SLIT3: variants seen among roughly 807,000 people sequenced by gnomAD.
SLIT3 encodes the protein slit guidance ligand 3.
A neutral mutation model predicts 184.0 loss-of-function variants in SLIT3; 68 were observed. That is an observed-to-expected ratio of 0.37 (90% CI 0.30 to 0.45). SLIT3 has a LOEUF of 0.45. Among genes scored for constraint, SLIT3 ranks in the 20% least tolerant of loss-of-function variants. The pLI, the probability that SLIT3 is intolerant of heterozygous loss-of-function variation, is 1.00. For synonymous variants in SLIT3, 831 were observed against 828.6 expected, an observed-to-expected ratio of 1.00 and a Z score of -0.05; for missense variants, 1,707 against 2,026.0, an observed-to-expected ratio of 0.84 and a Z score of 3.02.
At position 168,884,547 on chromosome 5, in the gene SLIT3, G is replaced by GATATATATATATAT. The variant is rs1491371300; in HGVS notation, c.414-1212_414-1211insATATATATATATAT. On this transcript the variant is annotated intron_variant, in intron 4 of 35. Coordinates refer to ENST00000519560, the MANE Select transcript of SLIT3 (RefSeq NM_003062.4). ...AGATCTAACTACTGCTACCAATTAC[G>GATATATATATATAT]AGATATATATATATATATATATATA... 8.6e-4 allele frequency among the ~76,000 whole-genome samples: 8 copies of GATATATATATATAT among 9,312 alleles called. 1 individual carries two copies. The highest frequency in any genetic ancestry group is 3.6e-3 in the African/African-American group (7 of 1,962). 6.1% of individuals were successfully genotyped at this position (9,312 alleles called of 152,430 possible).
chr5:169,132,876 A>G (rs1277350169), intron 4 of SLIT3, among the ~76,000 whole-genome samples: 1 of 152,220 alleles, frequency 6.6e-6, no homozygotes, highest in Non-Finnish European at 1.5e-5. Context: ...GGCATTTGCT[A>G]TATTTTGAGG....
At chr5:168,773,435 T>C (rs1211074720) in intron 13 of SLIT3, among the ~76,000 whole-genome samples, 1 of 152,196 alleles carries the variant, frequency 6.6e-6, no homozygotes, top group Non-Finnish European at 1.5e-5. Flanking sequence ...TTGCTTCCCC[T>C]GCCTCAGTAA....
chr5:169,030,030 G>C (rs895121276), intron 4 of SLIT3, among the ~76,000 whole-genome samples: 6 of 152,160 alleles, frequency 3.9e-5, no homozygotes, highest in African/African-American at 1.4e-4. Context: ...GGAAAGAGGG[G>C]AGCTACCCAC....
At chr5:168,913,655 C>T (rs558821364) in intron 4 of SLIT3, among the ~76,000 whole-genome samples, 37 of 150,098 alleles carry the variant, frequency 2.5e-4, no homozygotes, top group South Asian at 1.3e-3. Flanking sequence ...GGCAGGAGAT[C>T]GCTTGAACCT....
At chr5:168,841,044 G>A (rs140391855) in intron 6 of SLIT3, among the ~76,000 whole-genome samples, 228 of 152,328 alleles carry the variant, frequency 1.5e-3, no homozygotes, top group African/African-American at 2.7e-3. Context: ...TCTCCCCAGC[G>A]GGATTGTGAG....
chr5:169,276,942 T>C (rs1766827744), intron 1 of SLIT3, among the ~76,000 whole-genome samples: 1 of 152,226 alleles, frequency 6.6e-6, no homozygotes, highest in Non-Finnish European at 1.5e-5. Flanking sequence ...TAACTATTTT[T>C]AAGCGCACAG....
At chr5:169,215,122 C>G (rs1296304768) in intron 3 of SLIT3, among the ~76,000 whole-genome samples, 3 of 152,106 alleles carry the variant, frequency 2.0e-5, no homozygotes. Flanking sequence ...TCCCCATTGC[C>G]CTCAGGAAAT....
At position 168,893,164 on chromosome 5, in the gene SLIT3, C is replaced by T. The variant is rs964843355; in HGVS notation, c.414-9828G>A. ...AGATAGTCCCCTGCCAATTTTGGAC[C>T]CAATGAGAAGTTCTGGTTTAATTTA... On this transcript the variant is annotated intron_variant, in intron 4 of 35. Coordinates refer to ENST00000519560, the MANE Select transcript of SLIT3 (RefSeq NM_003062.4). 2.6e-5 allele frequency among the ~76,000 whole-genome samples: 4 copies of T among 152,108 alleles called. No individual in the cohort carries two copies. The East Asian group carries it at 7.7e-4, about 29-fold the overall frequency.
intron 4 of SLIT3, among the ~76,000 whole-genome samples, chr5:169,100,332 CA>C (rs1274877448): frequency 6.6e-6 from 1 of 152,146 alleles, no homozygotes; most frequent in Non-Finnish European, 1.5e-5. Context: ...GGCAAAGTCA[CA>C]TGAAAGATTT....
At chr5:169,237,392 T>C (rs1463142428) in intron 3 of SLIT3, among the ~76,000 whole-genome samples, 1 of 152,218 alleles carries the variant, frequency 6.6e-6, no homozygotes, top group African/African-American at 2.4e-5. Flanking sequence ...CTGTGCTTTA[T>C]TCAACTTTCG....
intron 4 of SLIT3, among the ~76,000 whole-genome samples, chr5:168,996,669 G>A (rs1223912811): frequency 6.6e-6 from 1 of 152,212 alleles, no homozygotes; most frequent in African/African-American, 2.4e-5. Context: ...TACAGCAGCG[G>A]ATTTTTTAGT....
At chr5:169,196,717 C>T (rs1414171451) in intron 3 of SLIT3, among the ~76,000 whole-genome samples, 4 of 152,200 alleles carry the variant, frequency 2.6e-5, no homozygotes, top group African/African-American at 7.2e-5. Context: ...AACCACCATG[C>T]TACTCAAAGC....
chr5:169,131,861 G>A (rs1381135519), intron 4 of SLIT3, among the ~76,000 whole-genome samples: 1 of 152,184 alleles, frequency 6.6e-6, no homozygotes, highest in Non-Finnish European at 1.5e-5. Flanking sequence ...GAGATCTGAA[G>A]GAAAGGGTTT....
rs546463481 is a variant in SLIT3, at chr5:168,762,659, C to T, written c.1490G>A (p.Ser497Asn). Residue 497 changes from serine (S) to asparagine (N), a missense_variant, in exon 15 of 36, where the codon AGC becomes AAC. Ser to Asn is a conservative substitution (Grantham distance 46, BLOSUM62 1). This residue lies in a region of SLIT3 where 1,307 missense variants were observed against 1,511.6 expected (regional missense o/e 0.86). Transcript: ENST00000519560. ...GCACACGAGGTCCATGAAGCACTCG[C>T]TGCTGAACCTGCTGCGGTAATCCTC... Reference protein sequence around the residue: ...GSEDYRSRFSSECFMDLVCPE... With the variant: ...GSEDYRSRFSNECFMDLVCPE... The T allele has an allele frequency of 5.6e-6, 9 of 1,614,036 alleles. 1 individual carries two copies. In the East Asian group the frequency reaches 1.1e-4, roughly 20 times the overall value.
chr5:169,022,194 T>G (rs1348662934), intron 4 of SLIT3: 2 of 152,264 alleles, frequency 1.3e-5, no homozygotes, highest in South Asian at 4.1e-4. Context: ...AAGACAGCCT[T>G]CGAGAGTCTC....
chr5:169,217,078 T>A (rs1561745530), intron 3 of SLIT3, among the ~76,000 whole-genome samples: 1 of 148,470 alleles, frequency 6.7e-6, no homozygotes, highest in Non-Finnish European at 1.5e-5. Context: ...TAAAATAACA[T>A]CTGGCTTTCA....
At chr5:168,835,946 T>C (rs1318699650) in intron 6 of SLIT3, among the ~76,000 whole-genome samples, 1 of 152,222 alleles carries the variant, frequency 6.6e-6, no homozygotes, top group East Asian at 1.9e-4. Context: ...CATGATCTAC[T>C]TCACCTGGTC....
intron 2 of SLIT3, among the ~76,000 whole-genome samples, chr5:169,245,483 G>A (rs868590688): frequency 3.9e-5 from 6 of 152,182 alleles, no homozygotes; most frequent in Admixed American, 1.3e-4. Flanking sequence ...AAAAATGGCC[G>A]CTTAAATGGA....
chr5:168,747,230 C>G (rs1356820520), intron 20 of SLIT3, among the ~76,000 whole-genome samples: 2 of 152,204 alleles, frequency 1.3e-5, no homozygotes, highest in African/African-American at 2.4e-5. Flanking sequence ...ATGTCTCTGT[C>G]ACACTTCTCA....
Sources: allele counts gnomAD v4.1 joint callset (sites outside exome capture counted in the v4.1 genomes callset), GRCh38; gene constraint gnomAD v4.1.1; regional missense constraint gnomAD v4.1.1; transcripts MANE v1.5; gene names NCBI Gene and HGNC (gene_info 2026-07-23, HGNC 2026-07-21).